The following ADCYAP1 variants were observed in gnomAD, a reference collection of about 807,000 sequenced individuals.
ADCYAP1 encodes the protein adenylate cyclase activating polypeptide 1, also known as pituitary adenylate cyclase-activating polypeptide.
In ADCYAP1, 6 loss-of-function variants were observed where a neutral mutation model predicts 18.5. That is an observed-to-expected ratio of 0.32 (90% CI 0.18 to 0.64). The LOEUF is 0.64. Ranked by LOEUF, ADCYAP1 falls within the 30% of genes least tolerant of loss-of-function variation. The pLI is 0.77. For synonymous variants in ADCYAP1, 136 were observed against 113.9 expected, an observed-to-expected ratio of 1.19 and a Z score of -1.24; for missense variants, 314 against 253.6, an observed-to-expected ratio of 1.24 and a Z score of -1.62.
rs1249976616 is a variant in ADCYAP1, at chr18:909,572, C to A, written c.468C>A (p.Ala156=). The part of the protein sequence containing the change: ...KQMAVKKYLA[A]VLGKRYKQRV... Reference sequence around the variant, plus strand: ...TGGCTGTCAAGAAATACTTGGCGGCCGTCCTAGGGAAGAGGTATAAACAAA... The same window carrying A: ...TGGCTGTCAAGAAATACTTGGCGGCAGTCCTAGGGAAGAGGTATAAACAAA... The change falls in exon 5 of 5, where the codon GCC becomes GCA. Residue 156 remains alanine (A), a synonymous_variant. Transcript: ENST00000450565. 5 of 1,614,102 alleles carry A rather than the reference C, an allele frequency of 3.1e-6. No homozygotes were observed. The highest frequency in any genetic ancestry group is 4.2e-6 in the Non-Finnish European group (5 of 1,180,008).
rs1364864075 is a variant in ADCYAP1, at chr18:911,630, T to A, written c.*1995T>A. 2 of 152,116 alleles carry A rather than the reference T, an allele frequency of 1.3e-5. No homozygotes were observed. Among genetic ancestry groups the A allele is most frequent in the African/African-American group, 4.8e-5 (2 of 41,426 alleles). 9.4% of individuals were successfully genotyped at this position (152,116 alleles called of 1,614,324 possible). A position where few individuals can be genotyped will look rare whatever the true frequency, so the allele number is the denominator to read the frequency against. ...CTATGCCTGAGTCCTGTGTATAGGA[T>A]CAATCTTCCTTTAATTCCGCAGTCT... is the stretch of plus-strand genomic sequence containing the variant. On this transcript the variant is annotated 3_prime_UTR_variant, in exon 5 of 5. Transcript: ENST00000450565.
At chr18:908,178 G>A (rs1337249473) in intron 3 of ADCYAP1, 87 bp from the exon 4 acceptor site, 1 of 1,230,418 alleles carries the variant, frequency 8.1e-7, no homozygotes, top group Non-Finnish European at 1.1e-6. Context: ...CGGCCGCCGA[G>A]GGGGCGCGCG....
intron 4 of ADCYAP1, 26 bp downstream of exon 4, chr18:908,389 T>C: frequency 6.3e-7 from 1 of 1,594,816 alleles, no homozygotes; most frequent in African/African-American, 1.3e-5. Context: ...AGGATTAACC[T>C]GCGCGCGCCG....
chr18:907,575 C>G (rs1247314049), intron 2 of ADCYAP1, 84 bp from the exon 3 acceptor site: 2 of 1,413,054 alleles, frequency 1.4e-6, no homozygotes, highest in Admixed American at 4.6e-5. Context: ...TGTGAAAATC[C>G]GCGCGAGCCC....
chr18:907,245 G>A (rs1267391951), intron 2 of ADCYAP1, among the ~76,000 whole-genome samples: 3 of 152,206 alleles, frequency 2.0e-5, no homozygotes, highest in African/African-American at 7.2e-5. Flanking sequence ...TCCCCATTCG[G>A]GTCTTCGCGT....
intron 2 of ADCYAP1, 105 bp downstream of exon 2, chr18:905,601 C>T: frequency 1.6e-6 from 2 of 1,278,422 alleles, no homozygotes; most frequent in Middle Eastern, 2.5e-4. Flanking sequence ...CTACTAGCAT[C>T]GCCCTCTGCG....
rs1390946918 is a variant in ADCYAP1 at position 910,928 on chromosome 18, T to C, written c.*1293T>C. On this transcript the variant is annotated 3_prime_UTR_variant, in exon 5 of 5. Coordinates refer to ENST00000450565, the MANE Select transcript of ADCYAP1 (RefSeq NM_001099733.2). ...ACTTATTGTAAATTTTAGAAACCCCTCTGTAGCCACTAGTAAGTAATTATG... is the reference window on the plus strand; with the variant it reads ...ACTTATTGTAAATTTTAGAAACCCCCCTGTAGCCACTAGTAAGTAATTATG... The C allele has an allele frequency of 6.6e-6, 1 of 152,150 alleles. No individual in the cohort carries two copies. The highest frequency in any genetic ancestry group is 1.5e-5 in the Non-Finnish European group (1 of 68,012). 9.4% of individuals were successfully genotyped at this position (152,150 alleles called of 1,614,324 possible).
At chr18:906,114 G>A (rs1219441064) in intron 2 of ADCYAP1, 1 of 152,670 alleles carries the variant, frequency 6.6e-6, no homozygotes, top group African/African-American at 2.4e-5. Context: ...CGACTTAAGA[G>A]AGGGAAGAAC....
chr18:907,720 C>A lies in ADCYAP1; in HGVS notation c.172C>A (p.Pro58Thr), dbSNP rs1161239640. 8 of 1,538,206 alleles carry A rather than the reference C, an allele frequency of 5.2e-6. No homozygotes were observed. The highest frequency in any genetic ancestry group is 7.0e-6 in the Non-Finnish European group (8 of 1,149,480). The change falls in exon 3 of 5, where the codon CCG (proline) becomes ACG (threonine). Residue 58 changes from proline (P) to threonine (T), a missense_variant. Transcript: ENST00000450565. ...GCTGCCAGACTTCGATGGCTCGGAG[C>A]CGCCGGGCGCAGGGAGCCCCGCCTC... ...NPLPDFDGSE[P>T]PGAGSPASAP...
At chr18:908,701 G>A (rs1346298341) in intron 4 of ADCYAP1, among the ~76,000 whole-genome samples, 1 of 152,146 alleles carries the variant, frequency 6.6e-6, no homozygotes, top group African/African-American at 2.4e-5. Context: ...GACTGTTTCT[G>A]GGGGAGGGGA....
At position 911,897 on chromosome 18, in the gene ADCYAP1, C is replaced by T. The variant is rs1909401417; in HGVS notation, c.*2262C>T. The T allele has an allele frequency of 6.6e-6, 1 of 152,098 alleles. No homozygotes were observed. The highest frequency in any genetic ancestry group is 6.5e-5 in the Admixed American group (1 of 15,274). 9.4% of individuals were successfully genotyped at this position (152,098 alleles called of 1,614,324 possible). A position where few individuals can be genotyped will look rare whatever the true frequency, so the allele number is the denominator to read the frequency against. ...TATTTATGAAGTCTAATTTAGTGTT[C>T]CCGTGGCTAGTTGCAAGCATTTTAC... is the stretch of plus-strand genomic sequence containing the variant. On this transcript the variant is annotated 3_prime_UTR_variant, in exon 5 of 5. Coordinates refer to ENST00000450565, the MANE Select transcript of ADCYAP1 (RefSeq NM_001099733.2).
chr18:904,804 C>G (rs1340849220), upstream of ADCYAP1: 3 of 1,284,698 alleles, frequency 2.3e-6, no homozygotes, highest in African/African-American at 3.0e-5. Context: ...TTCTGCCTCT[C>G]TCTCTGCGCC....
rs569731679 is a variant in ADCYAP1 at position 911,542 on chromosome 18, C to A, written c.*1907C>A. 1 of 152,234 alleles carries A rather than the reference C, an allele frequency of 6.6e-6. No individual in the cohort carries two copies. Among genetic ancestry groups the A allele is most frequent in the African/African-American group, 2.4e-5 (1 of 41,542 alleles). 9.4% of individuals were successfully genotyped at this position (152,234 alleles called of 1,614,324 possible). A position where few individuals can be genotyped will look rare whatever the true frequency, so the allele number is the denominator to read the frequency against. On this transcript the variant is annotated 3_prime_UTR_variant, in exon 5 of 5. Transcript: ENST00000450565. ...AAGAAAACAGAATTGGATTTGCATTCCCAGGCGGGATGGATGCTGCCAGGA... is the reference window on the plus strand; with the variant it reads ...AAGAAAACAGAATTGGATTTGCATTACCAGGCGGGATGGATGCTGCCAGGA...
rs758664236 is a variant in ADCYAP1 at position 905,416 on chromosome 18, C to T, written c.30C>T (p.Ala10=). 4 of 1,612,890 alleles carry T rather than the reference C, an allele frequency of 2.5e-6. No individual in the cohort carries two copies. In the East Asian group the frequency reaches 8.9e-5, roughly 36 times the overall value. Residue 10 remains alanine (A), a synonymous_variant, in exon 2 of 5, where the codon GCC becomes GCT. Coordinates refer to ENST00000450565, the MANE Select transcript of ADCYAP1 (RefSeq NM_001099733.2). ...CCATGTGTAGCGGAGCGAGGCTGGC[C>T]CTGCTGGTCTATGGGATAATCATGC... MTMCSGARL[A]LLVYGIIMHS... is the part of the protein sequence containing the mutation.
chr18:908,622 A>T (rs555945368), intron 4 of ADCYAP1, among the ~76,000 whole-genome samples: 57 of 152,206 alleles, frequency 3.7e-4, no homozygotes, highest in African/African-American at 1.3e-3. Context: ...GAGAAACCAA[A>T]CCAAACCTCT....
intron 1 of ADCYAP1, 83 bp downstream of exon 1, chr18:905,143 C>G: frequency 7.2e-7 from 1 of 1,387,118 alleles, no homozygotes; most frequent in East Asian, 2.8e-5. Context: ...GGGGAGTTAG[C>G]TTTCCTTCAG....
Position 910,870 on chromosome 18 carries a change from G to T in ADCYAP1, c.*1235G>T, listed in dbSNP as rs1370456682. ...ATTCACTTCTCTTAAACTTGTGAAT[G>T]CTTCTCACTTTTTTTTTTTGTTTGA... On this transcript the variant is annotated 3_prime_UTR_variant, in exon 5 of 5. Coordinates refer to ENST00000450565, the MANE Select transcript of ADCYAP1 (RefSeq NM_001099733.2). 1.5e-5 allele frequency: 2 copies of T among 133,028 alleles called. No homozygotes were observed. The highest frequency in any genetic ancestry group is 3.3e-5 in the Non-Finnish European group (2 of 59,772). 8.2% of individuals were successfully genotyped at this position (133,028 alleles called of 1,614,324 possible).
intron 2 of ADCYAP1, 29 bp downstream of exon 2, chr18:905,525 G>A: frequency 6.2e-7 from 1 of 1,601,826 alleles, no homozygotes; most frequent in Non-Finnish European, 8.5e-7. Flanking sequence ...GCCCAAGCAG[G>A]AGCTGGGGCT....
chr18:908,968 G>A (rs1029806138), intron 4 of ADCYAP1, among the ~76,000 whole-genome samples: 1 of 152,134 alleles, frequency 6.6e-6, no homozygotes, highest in Non-Finnish European at 1.5e-5. Context: ...TTTTCAACTC[G>A]GCGTGAGGAG....
Sources: allele counts gnomAD v4.1 joint callset (sites outside exome capture counted in the v4.1 genomes callset), GRCh38; gene constraint gnomAD v4.1.1; transcripts MANE v1.5; gene names NCBI Gene and HGNC (gene_info 2026-07-23, HGNC 2026-07-21).